LRFN2: variants seen among roughly 807,000 people sequenced by gnomAD.
LRFN2 encodes the protein leucine-rich repeat and fibronectin type-III domain-containing protein 2.
LRFN2 carries 18 observed loss-of-function variants against 37.3 expected under a neutral mutation model. The observed-to-expected ratio is 0.48, with a 90% confidence interval of 0.33 to 0.72. The LOEUF (loss-of-function observed/expected upper bound fraction) is 0.72, where lower values mean the gene tolerates loss of function less well. LRFN2 is among the 30% of genes least tolerant of loss of function. The pLI is 0.02. For synonymous variants in LRFN2, 556 were observed against 466.6 expected (o/e 1.19, Z -2.47); for missense variants, 1,006 against 1,060.7 (o/e 0.95, Z 0.72).
chr6:40,553,880 C>T (rs1427525371), intron 1 of LRFN2, among the ~76,000 whole-genome samples: 2 of 152,188 alleles, frequency 1.3e-5, no homozygotes, highest in Non-Finnish European at 2.9e-5. Context: ...GTGCTTCTCA[C>T]CTCTGGGGTC....
chr6:40,450,538 GA>G (rs1257635223), intron 1 of LRFN2, among the ~76,000 whole-genome samples: 3 of 152,240 alleles, frequency 2.0e-5, no homozygotes, highest in Non-Finnish European at 4.4e-5. Flanking sequence ...GTGCATGGGG[GA>G]TGCAACCGTG....
At chr6:40,400,026 C>A (rs913035467) in intron 2 of LRFN2, among the ~76,000 whole-genome samples, 1 of 151,784 alleles carries the variant, frequency 6.6e-6, no homozygotes, top group Non-Finnish European at 1.5e-5. Context: ...TCCTTAGCAT[C>A]ATATCTTTCT....
At chr6:40,439,382 C>T (rs968149029) in intron 1 of LRFN2, among the ~76,000 whole-genome samples, 6 of 152,316 alleles carry the variant, frequency 3.9e-5, no homozygotes, top group African/African-American at 1.2e-4. Context: ...TTCCAGACTT[C>T]CCCTCCCAGA....
chr6:40,582,651 C>G (rs1481782370), intron 1 of LRFN2, among the ~76,000 whole-genome samples: 1 of 149,482 alleles, frequency 6.7e-6, no homozygotes, highest in Non-Finnish European at 1.5e-5. Context: ...AGCCTTGGGT[C>G]TTCTCTTCAG....
At position 40,518,598 on chromosome 6, in the gene LRFN2, C is replaced by T. The variant is rs372473434; in HGVS notation, c.-19+68343G>A. On this transcript the variant is annotated intron_variant, in intron 1 of 2. Transcript: ENST00000338305. The stretch of plus-strand genomic sequence containing the variant: ...CCAGGGTAAGCACCTAGTAATGCCC[C>T]AGGAAAGCTGGCTAGCATCATTTCT... Among the ~76,000 whole-genome samples, 4 of 152,280 alleles carry T rather than the reference C, an allele frequency of 2.6e-5. No individual in the cohort carries two copies. In the East Asian group the frequency reaches 5.8e-4, roughly 22 times the overall value.
intron 2 of LRFN2, among the ~76,000 whole-genome samples, chr6:40,412,458 T>G (rs1035366088): frequency 6.6e-6 from 1 of 152,166 alleles, no homozygotes; most frequent in Non-Finnish European, 1.5e-5. Context: ...AGAGCATGAC[T>G]GACAAGTACA....
At chr6:40,405,834 C>T (rs921881198) in intron 2 of LRFN2, among the ~76,000 whole-genome samples, 17 of 152,160 alleles carry the variant, frequency 1.1e-4, no homozygotes, top group African/African-American at 3.9e-4. Context: ...AAAGCTGAGC[C>T]CCAGCAGGCT....
At chr6:40,444,400 C>T (rs1203210669) in intron 1 of LRFN2, among the ~76,000 whole-genome samples, 2 of 152,172 alleles carry the variant, frequency 1.3e-5, no homozygotes, top group Admixed American at 1.3e-4. Flanking sequence ...TTATAGAACC[C>T]AGCCTTCTAA....
intron 1 of LRFN2, among the ~76,000 whole-genome samples, chr6:40,445,669 G>A (rs905389657): frequency 1.1e-4 from 17 of 152,318 alleles, no homozygotes; most frequent in East Asian, 5.8e-4. Context: ...AAGAGGCCCC[G>A]GCTTGAGAAG....
intron 1 of LRFN2, among the ~76,000 whole-genome samples, chr6:40,435,038 TATATATATATATATAG>T (rs1358685991): frequency 1.1e-3 from 98 of 93,110 alleles, no homozygotes; most frequent in African/African-American, 3.9e-3. Context: ...TATATATATA[TATATATATATATATAG>T]AGAGAGAGAG....
chr6:40,508,818 C>T (rs777790970), intron 1 of LRFN2, among the ~76,000 whole-genome samples: 1 of 152,210 alleles, frequency 6.6e-6, no homozygotes, highest in Non-Finnish European at 1.5e-5. Context: ...AGCCTGGGCT[C>T]TCCCCACTCA....
intron 1 of LRFN2, among the ~76,000 whole-genome samples, chr6:40,448,660 A>C (rs1222634515): frequency 6.6e-6 from 1 of 152,192 alleles, no homozygotes; most frequent in Non-Finnish European, 1.5e-5. Flanking sequence ...ATGAATTTTT[A>C]GGCACTATCT....
rs543876382 is a variant in LRFN2, at chr6:40,475,416, G to A, written c.-18-42285C>T. ...GTCTGTATGATGCTAAGCTGTGTGTGTGCAGGCGAGGAAGGTGTGGGGAGG... is the reference window on the plus strand; with the variant it reads ...GTCTGTATGATGCTAAGCTGTGTGTATGCAGGCGAGGAAGGTGTGGGGAGG... On this transcript the variant is annotated intron_variant, in intron 1 of 2. Transcript: ENST00000338305. Among the ~76,000 whole-genome samples, 19 of 152,306 alleles carry A rather than the reference G, an allele frequency of 1.2e-4. No individual in the cohort carries two copies. The South Asian group carries it at 2.9e-3, about 23-fold the overall frequency.
Position 40,559,814 on chromosome 6 carries a change from G to C in LRFN2, c.-19+27127C>G, listed in dbSNP as rs114918035. Among the ~76,000 whole-genome samples the C allele has an allele frequency of 5.1e-3, 776 of 152,242 alleles. 7 individuals carry two copies. The highest frequency in any genetic ancestry group is 0.017 in the African/African-American group (711 of 41,542). On this transcript the variant is annotated intron_variant, in intron 1 of 2. Transcript: ENST00000338305. ...CCCTCTGACTCCCCATCCTGGACGG[G>C]CTCCCCAGTCTTATTCACAAATCTT...
intron 1 of LRFN2, among the ~76,000 whole-genome samples, chr6:40,441,092 C>T (rs1269472571): frequency 6.6e-6 from 1 of 152,206 alleles, no homozygotes; most frequent in East Asian, 1.9e-4. Flanking sequence ...ACACCAGCAA[C>T]TTTCAGAGGA....
At chr6:40,546,027 T>C (rs1766653134) in intron 1 of LRFN2, among the ~76,000 whole-genome samples, 1 of 152,108 alleles carries the variant, frequency 6.6e-6, no homozygotes, top group African/African-American at 2.4e-5. Context: ...TTTAGACAAG[T>C]AGCTTCTGTG....
chr6:40,469,495 A>G (rs1764547119), intron 1 of LRFN2, among the ~76,000 whole-genome samples: 1 of 152,304 alleles, frequency 6.6e-6, no homozygotes, highest in African/African-American at 2.4e-5. Flanking sequence ...TGGGTGGGAC[A>G]GTATGCAAGG....
At chr6:40,471,381 G>A (rs1057195815) in intron 1 of LRFN2, among the ~76,000 whole-genome samples, 6 of 152,306 alleles carry the variant, frequency 3.9e-5, no homozygotes, top group Non-Finnish European at 2.9e-5. Flanking sequence ...AGGCTGCCAC[G>A]GTTCAGGGAT....
intron 1 of LRFN2, among the ~76,000 whole-genome samples, chr6:40,577,153 G>A (rs543292499): frequency 1.2e-4 from 13 of 112,646 alleles, no homozygotes; most frequent in African/African-American, 4.1e-4. Flanking sequence ...CCAGGCTGGA[G>A]TGCAGTGGCA....
Sources: allele counts gnomAD v4.1 joint callset (sites outside exome capture counted in the v4.1 genomes callset), GRCh38; gene constraint gnomAD v4.1.1; transcripts MANE v1.5; gene names NCBI Gene and HGNC (gene_info 2026-07-23, HGNC 2026-07-21).